The following IQCM variants were observed in gnomAD, a reference collection of about 807,000 sequenced individuals.
The protein encoded by IQCM is IQ motif containing M, also known as IQ domain-containing protein M.
In IQCM, 45 loss-of-function variants were observed where a neutral mutation model predicts 57.6. The observed-to-expected ratio is 0.78, with a 90% confidence interval of 0.62 to 1.00. IQCM has a LOEUF of 1.00. Ranked by LOEUF, IQCM falls within the 50% of genes least tolerant of loss-of-function variation. The pLI, the probability that IQCM is intolerant of heterozygous loss-of-function variation, is 0.00. For synonymous variants in IQCM, 148 were observed against 158.9 expected (o/e 0.93, Z 0.51); for missense variants, 468 against 511.6 (o/e 0.91, Z 0.82).
At chr4:149,648,172 T>C (rs1462945808) in intron 7 of IQCM, among the ~76,000 whole-genome samples, 1 of 152,240 alleles carries the variant, frequency 6.6e-6, no homozygotes, top group African/African-American at 2.4e-5. Context: ...GTATCTAATC[T>C]TATCATTCCA....
chr4:149,764,831 T>A (rs185179241), intron 2 of IQCM, among the ~76,000 whole-genome samples: 204 of 152,184 alleles, frequency 1.3e-3, no homozygotes, highest in Admixed American at 2.2e-3. Flanking sequence ...TGGTCAGGTA[T>A]GGTATGGGTT....
chr4:149,653,393 G>A (rs528542693), intron 7 of IQCM, among the ~76,000 whole-genome samples: 7 of 152,268 alleles, frequency 4.6e-5, no homozygotes, highest in African/African-American at 1.7e-4. Context: ...AAGGTCCTGT[G>A]TGATTGCAGG....
chr4:149,650,462 G>A (rs967046453), intron 7 of IQCM, among the ~76,000 whole-genome samples: 2 of 137,570 alleles, frequency 1.5e-5, no homozygotes, highest in African/African-American at 5.5e-5. Context: ...GCGTGATCTT[G>A]GTTCACTGCA....
chr4:149,469,998 A>C (rs756891872), intron 12 of IQCM, among the ~76,000 whole-genome samples: 1 of 152,180 alleles, frequency 6.6e-6, no homozygotes, highest in Non-Finnish European at 1.5e-5. Context: ...AGGAACAACC[A>C]GTACCAGCCA....
intron 12 of IQCM, among the ~76,000 whole-genome samples, chr4:149,496,497 G>A (rs933002319): frequency 6.6e-6 from 1 of 152,002 alleles, no homozygotes; most frequent in African/African-American, 2.4e-5. Flanking sequence ...AGTCAGAGGA[G>A]AGGAAAAGAT....
At chr4:149,485,696 T>C (rs1741401454) in intron 12 of IQCM, among the ~76,000 whole-genome samples, 1 of 152,126 alleles carries the variant, frequency 6.6e-6, no homozygotes, top group African/African-American at 2.4e-5. Context: ...CTGTTTATCC[T>C]GGATTGGTCT....
At chr4:149,597,780 T>C (rs1447021189) in intron 8 of IQCM, among the ~76,000 whole-genome samples, 1 of 152,172 alleles carries the variant, frequency 6.6e-6, no homozygotes, top group Non-Finnish European at 1.5e-5. Context: ...GTTTTGTGTT[T>C]GGGGTTTTTG....
intron 13 of IQCM, among the ~76,000 whole-genome samples, chr4:149,373,596 C>A (rs1006878102): frequency 2.0e-5 from 3 of 152,046 alleles, no homozygotes; most frequent in Middle Eastern, 3.4e-3. Flanking sequence ...ATATAAATTA[C>A]CTGCATAAAT....
At chr4:149,605,985 C>G (rs923259989) in intron 8 of IQCM, among the ~76,000 whole-genome samples, 2 of 152,188 alleles carry the variant, frequency 1.3e-5, no homozygotes, top group African/African-American at 4.8e-5. Flanking sequence ...TCTAAACCCA[C>G]CCTCAGTCAG....
intron 12 of IQCM, among the ~76,000 whole-genome samples, chr4:149,504,718 A>T (rs1743609272): frequency 6.6e-6 from 1 of 152,176 alleles, no homozygotes; most frequent in African/African-American, 2.4e-5. Context: ...GTTCAAGACC[A>T]GCCTGGCCAA....
chr4:149,572,757 G>A (rs1454953546), intron 9 of IQCM, among the ~76,000 whole-genome samples: 1 of 151,778 alleles, frequency 6.6e-6, no homozygotes, highest in Non-Finnish European at 1.5e-5. Context: ...CATACATATA[G>A]AAAAATGTTT....
intron 12 of IQCM, among the ~76,000 whole-genome samples, chr4:149,507,966 T>C (rs952984808): frequency 6.6e-6 from 1 of 151,686 alleles, no homozygotes; most frequent in Non-Finnish European, 1.5e-5. Flanking sequence ...ATTACAGCTA[T>C]AACTAAAAGG....
chr4:149,512,341 G>C (rs1294278875), intron 12 of IQCM, among the ~76,000 whole-genome samples: 1 of 152,156 alleles, frequency 6.6e-6, no homozygotes, highest in Non-Finnish European at 1.5e-5. Flanking sequence ...TTTCAGCACT[G>C]ACATGATACC....
chr4:149,690,456 T>A (rs1301285243), intron 5 of IQCM, among the ~76,000 whole-genome samples: 1 of 151,990 alleles, frequency 6.6e-6, no homozygotes, highest in African/African-American at 2.4e-5. Flanking sequence ...GATAAAAGAC[T>A]ACAAATAGGG....
intron 9 of IQCM, among the ~76,000 whole-genome samples, chr4:149,583,000 G>T (rs1752349389): frequency 6.6e-6 from 1 of 151,478 alleles, no homozygotes; most frequent in African/African-American, 2.4e-5. Flanking sequence ...TAAATATCTG[G>T]ACTCTGAAAT....
At chr4:149,755,991 G>A (rs1768923790) in intron 2 of IQCM, among the ~76,000 whole-genome samples, 1 of 152,174 alleles carries the variant, frequency 6.6e-6, no homozygotes. Flanking sequence ...AGAATAAGAA[G>A]GCTGGGTCTT....
At chr4:149,471,765 T>C (rs532403977) in intron 12 of IQCM, among the ~76,000 whole-genome samples, 1 of 152,272 alleles carries the variant, frequency 6.6e-6, no homozygotes, top group African/African-American at 2.4e-5. Flanking sequence ...TCAAAAAGCT[T>C]ATCCACCACG....
intron 9 of IQCM, among the ~76,000 whole-genome samples, chr4:149,572,191 C>T (rs1265180904): frequency 6.6e-6 from 1 of 152,050 alleles, no homozygotes; most frequent in East Asian, 1.9e-4. Context: ...GCAAAAGGGA[C>T]TGGCTTCCTT....
At chr4:149,523,068 T>C (rs1421051946) in intron 12 of IQCM, among the ~76,000 whole-genome samples, 2 of 152,136 alleles carry the variant, frequency 1.3e-5, no homozygotes, top group African/African-American at 2.4e-5. Flanking sequence ...AGATTAAGTA[T>C]CTAGTGAGGG....
Sources: gnomAD v4.1 joint callset for allele counts (sites outside exome capture counted in the v4.1 genomes callset) on GRCh38, gnomAD v4.1.1 for gene constraint, MANE v1.5 for transcripts, NCBI Gene and HGNC (gene_info 2026-07-23, HGNC 2026-07-21) for gene names.